Variants in WWOX observed in about 807,000 individuals in gnomAD.
WWOX encodes the protein WW domain-containing oxidoreductase.
A neutral mutation model predicts 46.2 loss-of-function variants in WWOX; 69 were observed. The ratio of observed to expected loss-of-function variants is 1.49; its 90% CI spans 1.23 to 1.82. WWOX has a LOEUF of 1.82. Among genes scored for constraint, WWOX ranks in the 40% most tolerant of loss-of-function variants. The pLI is 0.00. For missense variants in WWOX, 919 were observed against 542.6 expected (o/e 1.69, Z -6.89); for synonymous variants, 359 against 202.6 (o/e 1.77, Z -6.56).
chr16:78,959,191 A>G (rs954029446), intron 8 of WWOX, among the ~76,000 whole-genome samples: 22 of 152,224 alleles, frequency 1.4e-4, no homozygotes, highest in African/African-American at 5.1e-4. Context: ...CTCTACGTCA[A>G]GGTTCTCGTT....
chr16:78,581,164 T>G (rs1307335650), intron 8 of WWOX, among the ~76,000 whole-genome samples: 1 of 152,216 alleles, frequency 6.6e-6, no homozygotes. Context: ...ACAAGTGTTT[T>G]AAAAATATTT....
At chr16:78,813,234 A>T (rs556100533) in intron 8 of WWOX, among the ~76,000 whole-genome samples, 41 of 152,020 alleles carry the variant, frequency 2.7e-4, no homozygotes, top group Middle Eastern at 3.4e-3. Flanking sequence ...CCTCACAGAG[A>T]TGTTTTAGGT....
At chr16:78,969,502 C>G (rs2046429049) in intron 8 of WWOX, among the ~76,000 whole-genome samples, 1 of 151,996 alleles carries the variant, frequency 6.6e-6, no homozygotes, top group Non-Finnish European at 1.5e-5. Flanking sequence ...AACTCCTGAC[C>G]TCAAGTGATC....
chr16:79,001,178 T>G (rs1210778121), intron 8 of WWOX, among the ~76,000 whole-genome samples: 1 of 152,190 alleles, frequency 6.6e-6, no homozygotes, highest in African/African-American at 2.4e-5. Flanking sequence ...AATGCACTTT[T>G]GAATAAAGGG....
chr16:78,106,467 G>C (rs2032155975), intron 1 of WWOX, among the ~76,000 whole-genome samples: 1 of 132,440 alleles, frequency 7.6e-6, no homozygotes, highest in South Asian at 2.5e-4. Flanking sequence ...TTGTTGCCCA[G>C]GCTGGAGTGC....
intron 8 of WWOX, among the ~76,000 whole-genome samples, chr16:78,460,006 C>T (rs2083912116): frequency 6.7e-6 from 1 of 149,948 alleles, no homozygotes; most frequent in African/African-American, 2.4e-5. Flanking sequence ...GGTTTTTCAC[C>T]ATGTTGTTCA....
At chr16:78,768,162 G>C (rs547282778) in intron 8 of WWOX, among the ~76,000 whole-genome samples, 2 of 150,164 alleles carry the variant, frequency 1.3e-5, no homozygotes, top group African/African-American at 4.9e-5. Flanking sequence ...CGGGGCGGGG[G>C]GGTCGGTTAT....
chr16:78,201,781 C>T (rs2036237539), intron 5 of WWOX, among the ~76,000 whole-genome samples: 1 of 151,934 alleles, frequency 6.6e-6, no homozygotes, highest in South Asian at 2.1e-4. Context: ...CTCACTGCAA[C>T]CTCTGCCTCC....
intron 8 of WWOX, among the ~76,000 whole-genome samples, chr16:78,606,739 T>C (rs2045769236): frequency 6.6e-6 from 1 of 150,594 alleles, no homozygotes; most frequent in African/African-American, 2.4e-5. Flanking sequence ...TTTTTTTTTT[T>C]TTTAAATAGG....
chr16:78,224,451 A>G (rs2151800764), intron 5 of WWOX, among the ~76,000 whole-genome samples: 1 of 152,152 alleles, frequency 6.6e-6, no homozygotes, highest in South Asian at 2.1e-4. Context: ...TGTTCAAGAA[A>G]CTGCCTTTTT....
chr16:78,625,101 C>T (rs1333144788), intron 8 of WWOX, among the ~76,000 whole-genome samples: 1 of 152,190 alleles, frequency 6.6e-6, no homozygotes, highest in Admixed American at 6.5e-5. Context: ...CCCAAGCTGT[C>T]TGAAGTCTTG....
rs529021715 is a variant in WWOX at position 78,506,949 on chromosome 16, A to G, written c.1056+74197A>G. Among the ~76,000 whole-genome samples, 337 of 152,164 alleles carry G rather than the reference A, an allele frequency of 2.2e-3. 3 individuals carry two copies. The highest frequency in any genetic ancestry group is 3.4e-3 in the Middle Eastern group (1 of 294). ...TATTGGTCTTGAACTCCTGACCTCA[A>G]GTGATCCTCCCACCTCAGCTGCCCA... is the stretch of plus-strand genomic sequence containing the variant. On this transcript the variant is annotated intron_variant, in intron 8 of 8. Transcript: ENST00000566780.
chr16:78,716,401 G>T (rs540771826), intron 8 of WWOX, among the ~76,000 whole-genome samples: 1 of 152,140 alleles, frequency 6.6e-6, no homozygotes, highest in African/African-American at 2.4e-5. Flanking sequence ...AAGCCACCCA[G>T]TGTGCAGTAG....
chr16:78,507,054 G>T (rs1366400753), intron 8 of WWOX, among the ~76,000 whole-genome samples: 1 of 152,114 alleles, frequency 6.6e-6, no homozygotes, highest in Non-Finnish European at 1.5e-5. Context: ...ATAAACCCTG[G>T]AGGAGAAGCA....
chr16:78,432,649 C>G lies in WWOX; in HGVS notation c.953C>G (p.Ser318Trp), dbSNP rs770023814. ...HRRLSPRGVT[S>W]NAVHPGNMMY... ...CGCCTCTCCCCACGCGGGGTCACGT[C>G]GAACGCAGTGCATCCTGGAAATATG... Residue 318 changes from serine to tryptophan, a missense_variant, in exon 8 of 9, where the codon TCG (serine) becomes TGG (tryptophan). Coordinates refer to ENST00000566780, the MANE Select transcript of WWOX (RefSeq NM_016373.4). The G allele has an allele frequency of 6.2e-7, 1 of 1,614,210 alleles. No homozygotes were observed.
chr16:79,045,768 T>C (rs1339919414), intron 8 of WWOX, among the ~76,000 whole-genome samples: 1 of 147,262 alleles, frequency 6.8e-6, no homozygotes, highest in Non-Finnish European at 1.5e-5. Context: ...TCGTCTTTCC[T>C]TTTTTCTTTT....
intron 8 of WWOX, among the ~76,000 whole-genome samples, chr16:79,145,507 A>G (rs8045284): frequency 0.43 from 65,807 of 152,044 alleles, 14,923 homozygotes; most frequent in African/African-American, 0.58. Context: ...CAGCCCACAA[A>G]TATTATTCCA....
At chr16:78,360,795 T>A (rs1480043215) in intron 5 of WWOX, among the ~76,000 whole-genome samples, 2 of 149,668 alleles carry the variant, frequency 1.3e-5, no homozygotes, top group South Asian at 2.1e-4. Flanking sequence ...CACATTATAT[T>A]TAATTGTTGT....
intron 8 of WWOX, among the ~76,000 whole-genome samples, chr16:78,832,026 C>T (rs1567591158): frequency 6.6e-6 from 1 of 152,192 alleles, no homozygotes; most frequent in Non-Finnish European, 1.5e-5. Flanking sequence ...TCCATTGCTG[C>T]CTAACAAATT....
Sources: allele counts gnomAD v4.1 joint callset (sites outside exome capture counted in the v4.1 genomes callset), GRCh38; gene constraint gnomAD v4.1.1; transcripts MANE v1.5; gene names NCBI Gene and HGNC (gene_info 2026-07-23, HGNC 2026-07-21).